PLCB1: variants seen among roughly 807,000 people sequenced by gnomAD.
PLCB1 encodes 1-phosphatidylinositol 4,5-bisphosphate phosphodiesterase beta-1.
In PLCB1, 46 loss-of-function variants were observed where a neutral mutation model predicts 161.8. The observed-to-expected ratio is 0.28, with a 90% CI of 0.22 to 0.36. The LOEUF (loss-of-function observed/expected upper bound fraction) is 0.36. Ranked by LOEUF, PLCB1 falls within the 10% of genes least tolerant of loss-of-function variation. The probability of loss-of-function intolerance (pLI) is 1.00; values close to 1 mark genes in which losing one functional copy is unlikely to be tolerated. For missense variants in PLCB1, 1,016 were observed against 1,472.5 expected, an observed-to-expected ratio of 0.69 and a Z score of 5.07; for synonymous variants, 517 against 503.7, an observed-to-expected ratio of 1.03 and a Z score of -0.35.
rs1022700443 is a variant in PLCB1 at position 8,645,752 on chromosome 20, G to A, written c.385-350G>A. On this transcript the variant is annotated intron_variant, in intron 4 of 31. Transcript: ENST00000338037. ...TGCATGTTCTGCTGGAAACATATTTGATCATATTTTAAATTTTTAATGACT... is the reference window on the plus strand; with the variant it reads ...TGCATGTTCTGCTGGAAACATATTTAATCATATTTTAAATTTTTAATGACT... 2.6e-5 allele frequency among the ~76,000 whole-genome samples: 4 copies of A among 152,144 alleles called. No homozygotes were observed. In the South Asian group the frequency reaches 6.2e-4, roughly 24 times the overall value.
intron 2 of PLCB1, among the ~76,000 whole-genome samples, chr20:8,245,850 G>A (rs185602318): frequency 6.6e-6 from 1 of 151,856 alleles, no homozygotes; most frequent in South Asian, 2.1e-4. Context: ...TTACAATAAC[G>A]AAATGTGGTA....
At chr20:8,267,237 G>GT (rs147797967) in intron 2 of PLCB1, among the ~76,000 whole-genome samples, 5,825 of 152,086 alleles carry the variant, frequency 0.038, 365 homozygotes, top group African/African-American at 0.13. Flanking sequence ...GATCCCCTTG[G>GT]GCTGGTGATT....
chr20:8,860,989 T>C (rs1987237123), intron 31 of PLCB1, among the ~76,000 whole-genome samples: 1 of 152,198 alleles, frequency 6.6e-6, no homozygotes, highest in Admixed American at 6.5e-5. Context: ...TGTTGGACAT[T>C]TTCCAAAGAA....
chr20:8,802,789 CTCTT>C (rs1425998074), intron 31 of PLCB1, among the ~76,000 whole-genome samples: 1 of 152,190 alleles, frequency 6.6e-6, no homozygotes. Flanking sequence ...GGGCCAGGAG[CTCTT>C]TGTCAGAGCA....
In PLCB1 at chr20:8,614,253, T is replaced by C. The variant is rs574665687; in HGVS notation, c.247-14041T>C. Among the ~76,000 whole-genome samples, 11 of 152,152 alleles carry C rather than the reference T, an allele frequency of 7.2e-5. 1 individual carries two copies. The highest frequency in any genetic ancestry group is 3.3e-4 in the Admixed American group (5 of 15,276). On this transcript the variant is annotated intron_variant, in intron 3 of 31. Coordinates refer to ENST00000338037, the MANE Select transcript of PLCB1 (RefSeq NM_015192.4). ...TCTCACATGCTGTAGGTACGATAAG[T>C]TGAAATATCAATACCTTTGGCCCTG...
At chr20:8,774,805 A>G in intron 27 of PLCB1, 86 bp downstream of exon 27, 1 of 1,145,694 alleles carries the variant, frequency 8.7e-7, no homozygotes, top group South Asian at 1.7e-5. Context: ...CTAAAAGGAG[A>G]CAAGGGTGGG....
intron 3 of PLCB1, among the ~76,000 whole-genome samples, chr20:8,581,464 G>A (rs1021013612): frequency 1.3e-5 from 2 of 152,294 alleles, no homozygotes; most frequent in East Asian, 1.9e-4. Flanking sequence ...TAAGGAACAA[G>A]TATGGGACAA....
At position 8,707,570 on chromosome 20, in the gene PLCB1, TAAAGTG is replaced by T. The variant is rs1291584398; in HGVS notation, c.1168-1096_1168-1091del. Reference sequence around the variant, plus strand: ...CCTGCATGCATTACTCTGGGCAATCTAAAGTGAAAAGTAATTTGAAATACATGAGGG... The same window carrying T: ...CCTGCATGCATTACTCTGGGCAATCTAAAAGTAATTTGAAATACATGAGGG... On this transcript the variant is annotated intron_variant, in intron 11 of 31. Coordinates refer to ENST00000338037, the MANE Select transcript of PLCB1 (RefSeq NM_015192.4). Among the ~76,000 whole-genome samples the T allele has an allele frequency of 5.0e-4, 76 of 152,298 alleles. 2 individuals are homozygous for T. Among genetic ancestry groups the T allele is most frequent in the Non-Finnish European group, 7.4e-5 (5 of 68,004 alleles).
chr20:8,654,931 C>T (rs1401741226), intron 7 of PLCB1, among the ~76,000 whole-genome samples: 1 of 152,026 alleles, frequency 6.6e-6, no homozygotes, highest in Non-Finnish European at 1.5e-5. Context: ...TATTTTAACT[C>T]CTCTTTATGG....
chr20:8,317,617 G>A (rs1424635318), intron 2 of PLCB1, among the ~76,000 whole-genome samples: 2 of 149,932 alleles, frequency 1.3e-5, no homozygotes, highest in East Asian at 4.0e-4. Context: ...CAAATTCTAA[G>A]GCATTCTTAT....
intron 2 of PLCB1, among the ~76,000 whole-genome samples, chr20:8,356,920 G>A (rs1986379909): frequency 4.6e-5 from 7 of 152,076 alleles, no homozygotes; most frequent in Admixed American, 4.6e-4. Flanking sequence ...ATGAGTTCAG[G>A]GCCTGAGCTA....
At chr20:8,174,316 C>G (rs974249540) in intron 2 of PLCB1, among the ~76,000 whole-genome samples, 6 of 152,270 alleles carry the variant, frequency 3.9e-5, no homozygotes, top group African/African-American at 1.4e-4. Flanking sequence ...AACATGGAGA[C>G]CAGAAGGCAG....
chr20:8,453,980 A>G (rs1981186318), intron 3 of PLCB1, among the ~76,000 whole-genome samples: 1 of 152,190 alleles, frequency 6.6e-6, no homozygotes, highest in African/African-American at 2.4e-5. Flanking sequence ...GGAAGACATC[A>G]GAGCTCACTC....
intron 3 of PLCB1, among the ~76,000 whole-genome samples, chr20:8,518,767 C>T (rs548727552): frequency 1.3e-5 from 2 of 151,966 alleles, no homozygotes; most frequent in South Asian, 2.1e-4. Context: ...ACATTATAGT[C>T]TATAATGAAA....
At chr20:8,376,791 G>A (rs2122367579) in intron 3 of PLCB1, among the ~76,000 whole-genome samples, 2 of 152,184 alleles carry the variant, frequency 1.3e-5, no homozygotes, top group South Asian at 4.1e-4. Context: ...AGCTGGGCAT[G>A]GTGGCAGGCG....
rs553441808 is a variant in PLCB1 at position 8,800,703 on chromosome 20, C to T, written c.3423+10442C>T. Among the ~76,000 whole-genome samples, 30 of 150,122 alleles carry T rather than the reference C, an allele frequency of 2.0e-4. No homozygotes were observed. In the South Asian group the frequency reaches 3.0e-3, roughly 15 times the overall value. ...TTGTTTCCTTTTTCTTTGCACCTTTCGTATTATCCAAAAAAGAAAAAAGCT... is the reference window on the plus strand; with the variant it reads ...TTGTTTCCTTTTTCTTTGCACCTTTTGTATTATCCAAAAAAGAAAAAAGCT... On this transcript the variant is annotated intron_variant, in intron 31 of 31. Transcript: ENST00000338037.
intron 3 of PLCB1, among the ~76,000 whole-genome samples, chr20:8,605,206 G>A (rs1987719397): frequency 1.3e-5 from 2 of 151,878 alleles, no homozygotes; most frequent in African/African-American, 2.4e-5. Context: ...ATATGTATGT[G>A]TGAACACATA....
intron 2 of PLCB1, among the ~76,000 whole-genome samples, chr20:8,290,300 T>C (rs1333636260): frequency 2.6e-5 from 4 of 152,142 alleles, no homozygotes; most frequent in Non-Finnish European, 5.9e-5. Flanking sequence ...TGAATGCAAG[T>C]AGTTTTCTGG....
intron 4 of PLCB1, among the ~76,000 whole-genome samples, chr20:8,645,462 G>A (rs912611095): frequency 2.0e-5 from 3 of 152,142 alleles, no homozygotes; most frequent in Admixed American, 6.5e-5. Context: ...AAATAATCAC[G>A]CAGAATGGAA....
Sources: allele counts gnomAD v4.1 joint callset (sites outside exome capture counted in the v4.1 genomes callset), GRCh38; gene constraint gnomAD v4.1.1; transcripts MANE v1.5; gene names NCBI Gene and HGNC (gene_info 2026-07-23, HGNC 2026-07-21).